Variants in NWD1 observed in about 807,000 individuals in gnomAD.
The protein encoded by NWD1 is NACHT and WD repeat domain containing 1, also known as NACHT domain- and WD repeat-containing protein 1.
NWD1 carries 129 observed loss-of-function variants against 135.1 expected under a neutral mutation model. The observed-to-expected ratio is 0.96, with a 90% CI of 0.83 to 1.11. NWD1 has a LOEUF of 1.11. Among genes scored for constraint, NWD1 ranks in the 50% least tolerant of loss-of-function variants. NWD1 has a pLI of 0.00. For missense variants in NWD1, 1,740 were observed against 1,851.3 expected, an observed-to-expected ratio of 0.94 and a Z score of 1.10; for synonymous variants, 773 against 786.0, an observed-to-expected ratio of 0.98 and a Z score of 0.28.
intron 10 of NWD1, among the ~76,000 whole-genome samples, chr19:16,768,382 T>C (rs1306142754): frequency 6.6e-6 from 1 of 152,180 alleles, no homozygotes; most frequent in African/African-American, 2.4e-5. Context: ...CCACATTTTG[T>C]TTATCCGTTC....
In NWD1 at chr19:16,763,876, A is replaced by T; in HGVS notation, c.2182A>T (p.Lys728Ter). The change falls in exon 9 of 19, where the codon AAG (lysine) becomes TAG (stop). Residue 728 changes from lysine to a stop codon, truncating the protein, a stop_gained. Coordinates refer to ENST00000524140, the MANE Select transcript of NWD1 (RefSeq NM_001007525.5). LOFTEE classifies it high-confidence loss of function. ...CTCACATACGGTTGCAAACCTGCGG[A>T]AGCTGAAGGAGTTGCCCTATCACCT... ...WFSHTVANLR[K>*]LKELPYHLLH... The T allele has an allele frequency of 6.2e-7, 1 of 1,614,034 alleles. No individual in the cohort carries two copies. The highest frequency in any genetic ancestry group is 8.5e-7 in the Non-Finnish European group (1 of 1,179,968).
intron 16 of NWD1, among the ~76,000 whole-genome samples, chr19:16,799,141 A>C (rs1401164240): frequency 6.6e-6 from 1 of 152,098 alleles, no homozygotes; most frequent in Non-Finnish European, 1.5e-5. Flanking sequence ...TTACAGCCTG[A>C]AAATTCACCT....
At chr19:16,763,725 C>T (rs1435161017) in intron 8 of NWD1, 103 bp from the exon 9 acceptor site, 2 of 756,776 alleles carry the variant, frequency 2.6e-6, no homozygotes, top group Non-Finnish European at 4.7e-6. Context: ...GCATTCTCGT[C>T]CACTCCAGCA....
In NWD1 at chr19:16,744,576, C is replaced by T. The variant is rs963659600; in HGVS notation, c.354C>T (p.Thr118=). Residue 118 remains threonine, a synonymous_variant, in exon 5 of 19, where the codon ACC becomes ACT. Coordinates refer to ENST00000524140, the MANE Select transcript of NWD1 (RefSeq NM_001007525.5). The part of the protein sequence containing the change: ...FQRDENAFPP[T]YVLQAPGTGE... ...GGGACGAGAATGCGTTTCCTCCCAC[C>T]TACGTCCTGCAGGCACCAGGTACTG... 5 of 1,535,098 alleles carry T rather than the reference C, an allele frequency of 3.3e-6. No individual in the cohort carries two copies. The African/African-American group carries it at 5.5e-5, about 17-fold the overall frequency.
At chr19:16,805,930 G>A (rs891838449) in intron 17 of NWD1, among the ~76,000 whole-genome samples, 3 of 150,912 alleles carry the variant, frequency 2.0e-5, no homozygotes, top group Non-Finnish European at 3.0e-5. Flanking sequence ...GTGCAGTGGC[G>A]TAATCTTGAC....
At chr19:16,807,516 A>AT (rs1254891012) in intron 17 of NWD1, 70 bp from the exon 18 acceptor site, 2 of 1,318,004 alleles carry the variant, frequency 1.5e-6, no homozygotes, top group African/African-American at 3.0e-5. Context: ...AACAAAAAAA[A>AT]CCACCAGGGA....
chr19:16,785,956 C>G (rs1203970900), intron 12 of NWD1, among the ~76,000 whole-genome samples: 2 of 151,896 alleles, frequency 1.3e-5, no homozygotes, highest in African/African-American at 4.8e-5. Flanking sequence ...CCTCCGCCTC[C>G]CAGGTTCAAG....
chr19:16,759,532 T>A, intron 7 of NWD1, 104 bp downstream of exon 7: 1 of 796,308 alleles, frequency 1.3e-6, no homozygotes, highest in Non-Finnish European at 2.0e-6. Context: ...CACTTACCAT[T>A]CCCAGGGAAT....
chr19:16,809,759 G>A (rs376806286), intron 18 of NWD1, among the ~76,000 whole-genome samples: 25 of 151,828 alleles, frequency 1.6e-4, no homozygotes, highest in African/African-American at 5.3e-4. Flanking sequence ...GGGTTTCACC[G>A]TGTTAGCCAG....
intron 3 of NWD1, among the ~76,000 whole-genome samples, chr19:16,732,368 T>G (rs1967606620): frequency 6.6e-6 from 1 of 151,986 alleles, no homozygotes; most frequent in Non-Finnish European, 1.5e-5. Flanking sequence ...CTTGGACATG[T>G]CATTTAACTG....
In NWD1 at chr19:16,807,677, G is replaced by C. The variant is rs769843259; in HGVS notation, c.3828G>C (p.Ser1276=). The part of the protein sequence containing the change: ...QRKLLFTGLV[S]GVVLVFPLNS... ...AGCTCCTATTTACGGGCCTCGTGTC[G>C]GGGGTCGTCCTTGTGTTCCCCCTGA... Residue 1276 remains serine, a synonymous_variant, in exon 18 of 19, where the codon TCG becomes TCC. Transcript: ENST00000524140. 6.2e-7 allele frequency: 1 copy of C among 1,610,542 alleles called. No homozygotes were observed. Among genetic ancestry groups the C allele is most frequent in the East Asian group, 2.2e-5 (1 of 44,808 alleles).
At chr19:16,741,118 C>T (rs1015660359) in intron 4 of NWD1, among the ~76,000 whole-genome samples, 1 of 152,138 alleles carries the variant, frequency 6.6e-6, no homozygotes, top group Admixed American at 6.6e-5. Context: ...CAAGATTGCA[C>T]TATTACACTC....
chr19:16,734,815 G>T (rs1967727646), intron 3 of NWD1, among the ~76,000 whole-genome samples: 1 of 151,842 alleles, frequency 6.6e-6, no homozygotes, highest in South Asian at 2.1e-4. Flanking sequence ...CAAACTCCCG[G>T]CCTCAAGAGA....
chr19:16,763,957 C>T lies in NWD1; in HGVS notation c.2251+12C>T, dbSNP rs1431500095. 2 of 1,538,004 alleles carry T rather than the reference C, an allele frequency of 1.3e-6. No individual in the cohort carries two copies. Among genetic ancestry groups the T allele is most frequent in the African/African-American group, 2.7e-5 (2 of 73,390 alleles). ...ACAGGAGGTTCTGGGTAAGGGCTGCCCCCCATCTCAGAGGACCGAGCCTGG... is the reference window on the plus strand; with the variant it reads ...ACAGGAGGTTCTGGGTAAGGGCTGCTCCCCATCTCAGAGGACCGAGCCTGG... On this transcript the variant is annotated intron_variant, in intron 9 of 18. Coordinates refer to ENST00000524140, the MANE Select transcript of NWD1 (RefSeq NM_001007525.5).
In NWD1 at chr19:16,720,304, T is replaced by C. The variant is rs1599407775; in HGVS notation, c.-105+11T>C. The C allele has an allele frequency of 6.6e-6, 1 of 152,090 alleles. No homozygotes were observed. 9.4% of individuals were successfully genotyped at this position (152,090 alleles called of 1,614,324 possible). A position where few individuals can be genotyped will look rare whatever the true frequency, so the allele number is the denominator to read the frequency against. The stretch of plus-strand genomic sequence containing the variant: ...ACATATCAGCTGTTGGTGAGTACCA[T>C]GCAGAAAATTAAAATAAGGCGATGG... On this transcript the variant is annotated intron_variant, in intron 1 of 18. Transcript: ENST00000524140.
chr19:16,793,464 T>C (rs1970316112), intron 14 of NWD1, among the ~76,000 whole-genome samples: 1 of 152,040 alleles, frequency 6.6e-6, no homozygotes, highest in Admixed American at 6.6e-5. Flanking sequence ...GGTTTCAAAC[T>C]TATGGGCTCA....
Position 16,788,894 on chromosome 19 carries a change from G to C in NWD1, c.2732-88G>C, listed in dbSNP as rs1408681344. ...ATCCATCTTTTCTTTGGTAAATGAGGGTATTTCCAAGCTGACAAGCATTTT... is the reference window on the plus strand; with the variant it reads ...ATCCATCTTTTCTTTGGTAAATGAGCGTATTTCCAAGCTGACAAGCATTTT... On this transcript the variant is annotated intron_variant, in intron 12 of 18. Coordinates refer to ENST00000524140, the MANE Select transcript of NWD1 (RefSeq NM_001007525.5). 3.5e-6 allele frequency: 3 copies of C among 851,376 alleles called. No individual in the cohort carries two copies. The East Asian group carries it at 7.3e-5, about 21-fold the overall frequency. The allele number at this position is 851,376 out of a possible 1,614,324, so 52.7% of individuals were successfully genotyped here.
intron 13 of NWD1, among the ~76,000 whole-genome samples, chr19:16,791,075 A>G (rs1970227141): frequency 6.6e-6 from 1 of 151,992 alleles, no homozygotes; most frequent in African/African-American, 2.4e-5. Flanking sequence ...CTACAAAAAC[A>G]AATTTAAAAA....
chr19:16,734,037 G>C (rs1263059656), intron 3 of NWD1, among the ~76,000 whole-genome samples: 1 of 151,934 alleles, frequency 6.6e-6, no homozygotes, highest in Non-Finnish European at 1.5e-5. Flanking sequence ...CCTTCCACAG[G>C]GTCAGCTTTG....
Sources: allele counts gnomAD v4.1 joint callset (sites outside exome capture counted in the v4.1 genomes callset), GRCh38; gene constraint gnomAD v4.1.1; transcripts MANE v1.5; gene names NCBI Gene and HGNC (gene_info 2026-07-23, HGNC 2026-07-21).